EVI5: variants seen among roughly 807,000 people sequenced by gnomAD.
EVI5 encodes the protein ecotropic viral integration site 5.
Under a neutral mutation model 112.0 loss-of-function variants are expected in EVI5, and 73 were observed. The ratio of observed to expected loss-of-function variants is 0.65; its 90% CI spans 0.54 to 0.79. The LOEUF (loss-of-function observed/expected upper bound fraction) is 0.79, where lower values mean the gene tolerates loss of function less well. Among genes scored for constraint, EVI5 ranks in the 30% least tolerant of loss-of-function variants. EVI5 has a pLI of 0.00. For missense variants in EVI5, 900 were observed against 968.8 expected, an observed-to-expected ratio of 0.93 and a Z score of 0.94; for synonymous variants, 305 against 319.9, an observed-to-expected ratio of 0.95 and a Z score of 0.50.
At chr1:92,572,845 G>C (rs1315860881) in intron 18 of EVI5, among the ~76,000 whole-genome samples, 1 of 152,020 alleles carries the variant, frequency 6.6e-6, no homozygotes, top group Non-Finnish European at 1.5e-5. Context: ...AAGCTCATCT[G>C]TTAGCCATTT....
intron 1 of EVI5, among the ~76,000 whole-genome samples, chr1:92,742,555 C>A (rs1267003627): frequency 6.6e-6 from 1 of 151,966 alleles, no homozygotes; most frequent in Non-Finnish European, 1.5e-5. Context: ...TCCCTGTAAT[C>A]TCAGCTACTC....
intron 9 of EVI5, among the ~76,000 whole-genome samples, chr1:92,678,438 G>A (rs1379340154): frequency 6.6e-6 from 1 of 152,034 alleles, no homozygotes; most frequent in Non-Finnish European, 1.5e-5. Flanking sequence ...GGCTGAGGTG[G>A]GAGGATTGCT....
chr1:92,759,227 A>T (rs1252991792), intron 1 of EVI5, among the ~76,000 whole-genome samples: 1 of 152,078 alleles, frequency 6.6e-6, no homozygotes, highest in Non-Finnish European at 1.5e-5. Flanking sequence ...TCTCAAAAAG[A>T]AAAAAAAGTA....
chr1:92,614,582 T>C (rs1652602254), intron 16 of EVI5, among the ~76,000 whole-genome samples: 1 of 151,586 alleles, frequency 6.6e-6, no homozygotes, highest in Non-Finnish European at 1.5e-5. Flanking sequence ...GGCAGAAAAA[T>C]GTGAAAAGGA....
chr1:92,720,773 C>T (rs1674611083), intron 2 of EVI5, among the ~76,000 whole-genome samples: 1 of 151,976 alleles, frequency 6.6e-6, no homozygotes, highest in Non-Finnish European at 1.5e-5. Context: ...TGCAATCTAC[C>T]CAACTGACAA....
intron 3 of EVI5, 171 bp from the exon 4 acceptor site, chr1:92,703,790 G>A: frequency 1.8e-6 from 1 of 568,402 alleles, no homozygotes. Context: ...GGTAAGATTG[G>A]GCCCTGGGTG....
chr1:92,697,319 G>A (rs572926142), intron 6 of EVI5, among the ~76,000 whole-genome samples: 2 of 151,836 alleles, frequency 1.3e-5, no homozygotes, highest in African/African-American at 2.4e-5. Flanking sequence ...TACTTCAAAG[G>A]TATTTTTCCC....
At chr1:92,633,226 C>T (rs1039142388) in intron 14 of EVI5, among the ~76,000 whole-genome samples, 4 of 152,124 alleles carry the variant, frequency 2.6e-5, no homozygotes, top group African/African-American at 9.7e-5. Flanking sequence ...CCTGGATAAC[C>T]TTGTTAACTT....
chr1:92,760,490 G>A (rs1287829551), intron 1 of EVI5, among the ~76,000 whole-genome samples: 1 of 152,190 alleles, frequency 6.6e-6, no homozygotes, highest in Non-Finnish European at 1.5e-5. Flanking sequence ...CCAGCACACT[G>A]GGAGGCTGAG....
At chr1:92,720,080 T>A (rs551604779) in intron 2 of EVI5, among the ~76,000 whole-genome samples, 2 of 152,128 alleles carry the variant, frequency 1.3e-5, no homozygotes, top group African/African-American at 4.8e-5. Flanking sequence ...GAATCAATAC[T>A]GTGAAAATGG....
chr1:92,730,756 A>C (rs1676337795), intron 2 of EVI5, among the ~76,000 whole-genome samples: 2 of 151,990 alleles, frequency 1.3e-5, no homozygotes, highest in Admixed American at 6.6e-5. Context: ...GTTAACATCA[A>C]GCTTAATGCT....
At chr1:92,517,066 C>T (rs908082447) in intron 19 of EVI5, among the ~76,000 whole-genome samples, 3 of 152,238 alleles carry the variant, frequency 2.0e-5, no homozygotes, top group Admixed American at 6.5e-5. Context: ...CCAGAATATA[C>T]ATTTTTTACA....
Position 92,695,398 on chromosome 1 carries a change from A to C in EVI5, c.821T>G (p.Met274Arg). Residue 274 changes from methionine to arginine, a missense_variant, in exon 7 of 20, where the codon ATG (methionine) becomes AGG (arginine). Physicochemically the swap from Met to Arg is moderately conservative, Grantham distance 91 (BLOSUM62 -1). Coordinates refer to ENST00000684568, the MANE Select transcript of EVI5 (RefSeq NM_001350197.2). ...HFQSQSFHTS[M>R]YASSWFLTIF... is the part of the protein sequence containing the mutation. ...AGTCAGAAACCAGGATGATGCATACATTGAGGTATGAAAACTCTGAGATTG... is the reference window on the plus strand; with the variant it reads ...AGTCAGAAACCAGGATGATGCATACCTTGAGGTATGAAAACTCTGAGATTG... 2 of 1,605,624 alleles carry C rather than the reference A, an allele frequency of 1.2e-6. No homozygotes were observed. Among genetic ancestry groups the C allele is most frequent in the Non-Finnish European group, 8.5e-7 (1 of 1,172,494 alleles).
intron 11 of EVI5, among the ~76,000 whole-genome samples, chr1:92,664,381 A>G (rs1664520834): frequency 6.6e-6 from 1 of 152,156 alleles, no homozygotes; most frequent in Admixed American, 6.5e-5. Flanking sequence ...ATTTTCTAGA[A>G]GCAAAATCCA....
intron 13 of EVI5, among the ~76,000 whole-genome samples, chr1:92,654,615 T>C (rs148580645): frequency 4.7e-4 from 72 of 152,336 alleles, no homozygotes; most frequent in Admixed American, 2.2e-3. Context: ...TCTGGAAGTA[T>C]AAAGACAGTG....
At chr1:92,542,607 T>C (rs116665682) in intron 19 of EVI5, among the ~76,000 whole-genome samples, 1 of 152,240 alleles carries the variant, frequency 6.6e-6, no homozygotes, top group Non-Finnish European at 1.5e-5. Flanking sequence ...TGGCACTATA[T>C]GTCTTCTGGA....
intron 18 of EVI5, among the ~76,000 whole-genome samples, chr1:92,586,034 G>A (rs1571712565): frequency 6.6e-6 from 1 of 152,216 alleles, no homozygotes; most frequent in East Asian, 1.9e-4. Flanking sequence ...GAATCTGTCT[G>A]ATAGTTTTCT....
chr1:92,589,940 C>T (rs1673510827), intron 18 of EVI5, among the ~76,000 whole-genome samples: 1 of 152,192 alleles, frequency 6.6e-6, no homozygotes, highest in African/African-American at 2.4e-5. Context: ...GATCAGGCAG[C>T]AACATTTGCT....
At chr1:92,651,878 G>T (rs886965032) in intron 13 of EVI5, among the ~76,000 whole-genome samples, 1 of 150,282 alleles carries the variant, frequency 6.7e-6, no homozygotes, top group Non-Finnish European at 1.5e-5. Flanking sequence ...AAAGAAATTG[G>T]AACCCTTGTA....
Sources: gnomAD v4.1 joint callset for allele counts (sites outside exome capture counted in the v4.1 genomes callset) on GRCh38, gnomAD v4.1.1 for gene constraint, MANE v1.5 for transcripts, NCBI Gene and HGNC (gene_info 2026-07-23, HGNC 2026-07-21) for gene names.